SYT17: variants seen among roughly 807,000 people sequenced by gnomAD.
The protein encoded by SYT17 is synaptotagmin 17.
SYT17 carries 22 observed loss-of-function variants against 46.7 expected under a neutral mutation model. The ratio of observed to expected loss-of-function variants is 0.47; its 90% confidence interval spans 0.34 to 0.67. The LOEUF is 0.67. SYT17 is among the 30% of genes least tolerant of loss of function. SYT17 has a pLI of 0.01. For missense variants in SYT17, 519 were observed against 612.8 expected, an observed-to-expected ratio of 0.85 and a Z score of 1.62; for synonymous variants, 251 against 248.4, an observed-to-expected ratio of 1.01 and a Z score of -0.10.
At chr16:19,230,488 C>T (rs908507000) in intron 7 of SYT17, among the ~76,000 whole-genome samples, 2 of 151,532 alleles carry the variant, frequency 1.3e-5, no homozygotes, top group African/African-American at 4.9e-5. Flanking sequence ...GAACTGTATA[C>T]CTAAAAATGG....
At chr16:19,262,808 T>A (rs1421248232) in intron 7 of SYT17, among the ~76,000 whole-genome samples, 1 of 152,142 alleles carries the variant, frequency 6.6e-6, no homozygotes, top group Non-Finnish European at 1.5e-5. Flanking sequence ...AAATCACAGT[T>A]AGCACAGACA....
In SYT17 at chr16:19,250,670, C is replaced by T. The variant is rs887346128; in HGVS notation, c.1229-16210C>T. Among the ~76,000 whole-genome samples, 8 of 152,142 alleles carry T rather than the reference C, an allele frequency of 5.3e-5. 1 individual carries two copies. Among genetic ancestry groups the T allele is most frequent in the African/African-American group, 1.9e-4 (8 of 41,416 alleles). On this transcript the variant is annotated intron_variant, in intron 7 of 7. Coordinates refer to ENST00000355377, the MANE Select transcript of SYT17 (RefSeq NM_016524.4). ...ATTACAGGCATGACCTTGCCTCAGC[C>T]TCCCACAGTGCTGGGATTACAGGCG...
chr16:19,241,993 A>AGGGAAGTGAGGCAACAATAGGGT lies in SYT17; in HGVS notation c.1228+17163_1228+17185dup, dbSNP rs527822923. ...AGTCATTATTGCCCTTTTATGGAAG[A>AGGGAAGTGAGGCAACAATAGGGT]GGGAAGTGAGGCAACAATAGGGTGG... On this transcript the variant is annotated intron_variant, in intron 7 of 7. Transcript: ENST00000355377. Among the ~76,000 whole-genome samples the AGGGAAGTGAGGCAACAATAGGGT allele has an allele frequency of 3.1e-3, 479 of 152,266 alleles. 3 individuals carry two copies. The highest frequency in any genetic ancestry group is 9.3e-3 in the African/African-American group (388 of 41,534).
At position 19,183,385 on chromosome 16, in the gene SYT17, C is replaced by T. The variant is rs1964633017; in HGVS notation, c.332-143C>T. Reference sequence around the variant, plus strand: ...GCCACCAAACTATCTGTCACAGAATCAGTGAGTATTTCAGAGTGTGGAGAA... The same window carrying T: ...GCCACCAAACTATCTGTCACAGAATTAGTGAGTATTTCAGAGTGTGGAGAA... On this transcript the variant is annotated intron_variant, in intron 4 of 7. Transcript: ENST00000355377. The surrounding 1 kb of genome is among the most constrained non-coding windows in gnomAD (Gnocchi z 5.6). 1.7e-6 allele frequency: 2 copies of T among 1,198,930 alleles called. No homozygotes were observed. Among genetic ancestry groups the T allele is most frequent in the Non-Finnish European group, 1.2e-6 (1 of 859,002 alleles). The allele number at this position is 1,198,930 out of a possible 1,614,324, so 74.3% of individuals were successfully genotyped here.
chr16:19,180,672 C>T (rs1440239966), intron 4 of SYT17, 133 bp downstream of exon 4: 11 of 1,038,152 alleles, frequency 1.1e-5, no homozygotes, highest in African/African-American at 3.1e-5. Flanking sequence ...GGAGACAGGG[C>T]GAGAGAGAGA....
intron 5 of SYT17, among the ~76,000 whole-genome samples, chr16:19,202,720 G>A (rs1424715514): frequency 2.0e-5 from 3 of 152,002 alleles, no homozygotes; most frequent in African/African-American, 7.3e-5. Context: ...TGGAGATTCC[G>A]GGCATTTTAT....
At chr16:19,211,294 G>T in intron 5 of SYT17, 2 of 645,334 alleles carry the variant, frequency 3.1e-6, no homozygotes, top group Non-Finnish European at 2.8e-6. Context: ...GATAGGACAG[G>T]GGGTGGAACA....
At chr16:19,217,681 A>G (rs920237264) in intron 5 of SYT17, among the ~76,000 whole-genome samples, 1 of 152,152 alleles carries the variant, frequency 6.6e-6, no homozygotes, top group African/African-American at 2.4e-5. Context: ...TTTCATGTGG[A>G]CATGTTTCCT....
rs537256193 is a variant in SYT17, at chr16:19,194,567, GC to G, written c.951+10421del. Among the ~76,000 whole-genome samples, 176 of 152,298 alleles carry G rather than the reference GC, an allele frequency of 1.2e-3. No homozygotes were observed. In the Middle Eastern group the frequency reaches 0.017, roughly 15 times the overall value. ...CAGAGTAAATACCCCATAGACATCAGCATTTGTTGTTATTTCGTGTTGGTAT... is the reference window on the plus strand; with the variant it reads ...CAGAGTAAATACCCCATAGACATCAGATTTGTTGTTATTTCGTGTTGGTAT... On this transcript the variant is annotated intron_variant, in intron 5 of 7. Transcript: ENST00000355377.
At chr16:19,173,162 A>G in intron 2 of SYT17, 1 of 544,710 alleles carries the variant, frequency 1.8e-6, no homozygotes, top group Admixed American at 3.6e-5. Flanking sequence ...CACATAAACT[A>G]CAAAAGAAAA....
chr16:19,203,019 G>C (rs2142747591), intron 5 of SYT17, among the ~76,000 whole-genome samples: 1 of 152,254 alleles, frequency 6.6e-6, no homozygotes, highest in East Asian at 1.9e-4. Context: ...CAGCAACGGG[G>C]ACGAGGATCC....
intron 5 of SYT17, chr16:19,211,137 G>T: frequency 2.7e-6 from 1 of 364,488 alleles, no homozygotes; most frequent in Non-Finnish European, 4.9e-6. Flanking sequence ...CACCCCACGT[G>T]GTTCGACCAA....
chr16:19,254,550 A>T (rs770500299), intron 7 of SYT17, among the ~76,000 whole-genome samples: 1 of 152,216 alleles, frequency 6.6e-6, no homozygotes, highest in Non-Finnish European at 1.5e-5. Context: ...CATTCTAATG[A>T]TATCACCACA....
At chr16:19,173,181 A>C (rs902626125) in intron 2 of SYT17, 1 of 550,808 alleles carries the variant, frequency 1.8e-6, no homozygotes, top group African/African-American at 1.9e-5. Context: ...AATACCTGCA[A>C]ATGTTTTGCT....
chr16:19,206,124 A>G (rs1234799375), intron 5 of SYT17, among the ~76,000 whole-genome samples: 2 of 152,198 alleles, frequency 1.3e-5, no homozygotes, highest in Admixed American at 6.5e-5. Context: ...GAAAATTGCC[A>G]AAAACACCAT....
chr16:19,247,940 C>T (rs1405734248), intron 7 of SYT17, among the ~76,000 whole-genome samples: 1 of 152,114 alleles, frequency 6.6e-6, no homozygotes, highest in Non-Finnish European at 1.5e-5. Context: ...AAAAGCCAAG[C>T]CATGCCCTGA....
chr16:19,242,546 A>G (rs1967210501), intron 7 of SYT17, among the ~76,000 whole-genome samples: 1 of 152,078 alleles, frequency 6.6e-6, no homozygotes, highest in South Asian at 2.1e-4. Context: ...TTTTTTTGAG[A>G]TGGGGTCTCA....
chr16:19,173,595 T>A lies in SYT17; in HGVS notation c.182+17T>A, dbSNP rs765483924. 102 of 1,610,362 alleles carry A rather than the reference T, an allele frequency of 6.3e-5. 1 individual carries two copies. The highest frequency in any genetic ancestry group is 7.7e-5 in the Non-Finnish European group (91 of 1,178,738). ...TCCCTGGCTGTAAGTAAAACTGCTC[T>A]GAACTTCTCTGAAATCAATTTCAAG... On this transcript the variant is annotated intron_variant, in intron 3 of 7. Coordinates refer to ENST00000355377, the MANE Select transcript of SYT17 (RefSeq NM_016524.4).
intron 1 of SYT17, chr16:19,170,659 T>TGTCTC (rs1964046557): frequency 6.6e-6 from 1 of 152,216 alleles, no homozygotes; most frequent in African/African-American, 2.4e-5. Flanking sequence ...GAGGTGACCT[T>TGTCTC]GTCTCTGTTC....
Sources: allele counts gnomAD v4.1 joint callset (sites outside exome capture counted in the v4.1 genomes callset), GRCh38; gene constraint gnomAD v4.1.1; non-coding constraint Gnocchi (gnomAD v3.1); transcripts MANE v1.5; gene names NCBI Gene and HGNC (gene_info 2026-07-23, HGNC 2026-07-21).